The following DMXL1 variants were observed in gnomAD, a reference collection of about 807,000 sequenced individuals.
DMXL1 encodes dmX-like protein 1.
A neutral mutation model predicts 319.2 loss-of-function variants in DMXL1; 99 were observed. The observed-to-expected ratio is 0.31, with a 90% CI of 0.26 to 0.37. DMXL1 has a LOEUF of 0.37. DMXL1 is among the 10% of genes least tolerant of loss of function. The pLI is 1.00. For synonymous variants in DMXL1, 1,385 were observed against 1,235.2 expected (o/e 1.12, Z -2.54); for missense variants, 3,745 against 3,595.6 (o/e 1.04, Z -1.06).
At chr5:119,144,268 G>C (rs545194084) in intron 14 of DMXL1, among the ~76,000 whole-genome samples, 1 of 151,664 alleles carries the variant, frequency 6.6e-6, no homozygotes, top group African/African-American at 2.4e-5. Context: ...AAGAAAACTA[G>C]GTTCCAATTT....
chr5:119,177,958 T>C (rs746548006), intron 27 of DMXL1, 38 bp from the exon 28 acceptor site: 1 of 1,523,348 alleles, frequency 6.6e-7, no homozygotes, highest in Non-Finnish European at 8.8e-7. Context: ...TTTTAAAAAT[T>C]TATAGTCAGT....
Position 119,167,794 on chromosome 5 carries a change from A to G in DMXL1, c.5328A>G (p.Ala1776=), listed in dbSNP as rs1020674452. 5 of 1,613,474 alleles carry G rather than the reference A, an allele frequency of 3.1e-6. No homozygotes were observed. Among genetic ancestry groups the G allele is most frequent in the Non-Finnish European group, 3.4e-6 (4 of 1,179,716 alleles). Residue 1776 remains alanine, a synonymous_variant, in exon 23 of 44, where the codon GCA becomes GCG. Transcript: ENST00000539542. The stretch of plus-strand genomic sequence containing the variant: ...ATGATCCTTTTCTTCGGAGCATGGC[A>G]TATTGGATTTTGGAAGATTATAGTG... ...MHHDPFLRSM[A]YWILEDYSGA...
At chr5:119,203,687 T>A (rs956791882) in intron 33 of DMXL1, among the ~76,000 whole-genome samples, 10 of 152,220 alleles carry the variant, frequency 6.6e-5, no homozygotes. Context: ...TTTTGAATTG[T>A]CATGATCATC....
rs571547374 is a variant in DMXL1 at position 119,177,814 on chromosome 5, C to T, written c.6887-182C>T. Reference sequence around the variant, plus strand: ...TTAATATTAAAGATTTTTAATGTTTCTCTCAAGTAACTCATTTGTGCTTAA... The same window carrying T: ...TTAATATTAAAGATTTTTAATGTTTTTCTCAAGTAACTCATTTGTGCTTAA... On this transcript the variant is annotated intron_variant, in intron 27 of 43. Coordinates refer to ENST00000539542, the MANE Select transcript of DMXL1 (RefSeq NM_001290321.3). Among the ~76,000 whole-genome samples the T allele has an allele frequency of 5.1e-4, 78 of 152,150 alleles. 1 individual carries two copies. The South Asian group carries it at 0.016, about 31-fold the overall frequency.
At chr5:119,163,184 ATAT>A (rs1240495730) in intron 19 of DMXL1, among the ~76,000 whole-genome samples, 2 of 152,198 alleles carry the variant, frequency 1.3e-5, no homozygotes, top group Non-Finnish European at 2.9e-5. Flanking sequence ...TTTTATAACT[ATAT>A]TATTTAATTA....
rs1339676155 is a variant in DMXL1 at position 119,228,671 on chromosome 5, G to A, written c.8338+3902G>A. On this transcript the variant is annotated intron_variant, in intron 38 of 43. Transcript: ENST00000539542. ...GAGAACAAATTTTTTTTGAGATATT[G>A]CAAGGGCCCTTTGGAAACTCGCAAA... 6.6e-5 allele frequency among the ~76,000 whole-genome samples: 10 copies of A among 152,124 alleles called. No individual in the cohort carries two copies. In the South Asian group the frequency reaches 2.1e-3, roughly 32 times the overall value.
intron 25 of DMXL1, 131 bp from the exon 26 acceptor site, chr5:119,175,130 G>T: frequency 1.9e-6 from 1 of 539,088 alleles, no homozygotes; most frequent in Non-Finnish European, 3.2e-6. Context: ...AGAAAAAAAG[G>T]AAATAGTTCA....
chr5:119,090,591 T>C (rs1391456662), intron 1 of DMXL1, among the ~76,000 whole-genome samples: 2 of 150,644 alleles, frequency 1.3e-5, no homozygotes, highest in East Asian at 3.9e-4. Flanking sequence ...AGACAGAGTT[T>C]CACTCTTTTT....
chr5:119,198,545 A>C (rs570133313), intron 32 of DMXL1, among the ~76,000 whole-genome samples: 1 of 152,340 alleles, frequency 6.6e-6, no homozygotes, highest in Non-Finnish European at 1.5e-5. Flanking sequence ...AGGAAAGTTT[A>C]TAGCACTAAA....
chr5:119,098,493 C>T (rs1418308483), intron 2 of DMXL1, among the ~76,000 whole-genome samples: 1 of 150,268 alleles, frequency 6.7e-6, no homozygotes, highest in Non-Finnish European at 1.5e-5. Context: ...CTCCTTGTAA[C>T]TTCTATGTAA....
intron 34 of DMXL1, among the ~76,000 whole-genome samples, chr5:119,208,545 G>A (rs1782159344): frequency 6.6e-6 from 1 of 152,042 alleles, no homozygotes; most frequent in African/African-American, 2.4e-5. Flanking sequence ...AAACATTTTT[G>A]TTTTGATGCT....
At chr5:119,072,332 T>C (rs1388012858) in intron 1 of DMXL1, among the ~76,000 whole-genome samples, 1 of 152,172 alleles carries the variant, frequency 6.6e-6, no homozygotes, top group Non-Finnish European at 1.5e-5. Context: ...CTTGTCAGTA[T>C]AGTGGCATTT....
chr5:119,132,044 T>G lies in DMXL1; in HGVS notation c.1316-1088T>G, dbSNP rs1765021813. On this transcript the variant is annotated intron_variant, in intron 10 of 43. Transcript: ENST00000539542. ...CAGATCTGGGCATATTGTACAATAC[T>G]TAATGGCTCAAGGGGATCAAAGTAC... 2.0e-5 allele frequency among the ~76,000 whole-genome samples: 3 copies of G among 152,242 alleles called. No individual in the cohort carries two copies. In the South Asian group the frequency reaches 6.2e-4, roughly 32 times the overall value.
intron 25 of DMXL1, among the ~76,000 whole-genome samples, chr5:119,174,359 G>C (rs796289380): frequency 3.2e-4 from 49 of 152,264 alleles, no homozygotes; most frequent in African/African-American, 1.0e-3. Context: ...GGTCGAACAA[G>C]TCAAGCCCAG....
chr5:119,116,623 G>A (rs1289545519), intron 7 of DMXL1, among the ~76,000 whole-genome samples: 2 of 152,020 alleles, frequency 1.3e-5, no homozygotes, highest in Non-Finnish European at 2.9e-5. Flanking sequence ...TGTGTTTTGT[G>A]TCTAATTCTG....
intron 19 of DMXL1, among the ~76,000 whole-genome samples, chr5:119,154,922 C>G (rs982922046): frequency 1.3e-5 from 2 of 152,162 alleles, no homozygotes; most frequent in African/African-American, 2.4e-5. Flanking sequence ...TCTGAAAATC[C>G]TAGAGTGTTT....
intron 38 of DMXL1, among the ~76,000 whole-genome samples, chr5:119,230,608 C>T (rs1581453482): frequency 6.6e-6 from 1 of 152,170 alleles, no homozygotes; most frequent in Non-Finnish European, 1.5e-5. Context: ...CTGGGCCGGG[C>T]ACAGTGGCTC....
intron 14 of DMXL1, 57 bp downstream of exon 14, chr5:119,143,987 G>T: frequency 9.0e-7 from 1 of 1,112,460 alleles, no homozygotes. Flanking sequence ...AAAGCATTTT[G>T]CATAAAATCT....
At chr5:119,103,384 AAATTACTT>A (rs1757680597) in intron 3 of DMXL1, among the ~76,000 whole-genome samples, 1 of 152,206 alleles carries the variant, frequency 6.6e-6, no homozygotes, top group Non-Finnish European at 1.5e-5. Flanking sequence ...AGTATTTTAC[AAATTACTT>A]CAAACCTAGT....
Sources: gnomAD v4.1 joint callset for allele counts (sites outside exome capture counted in the v4.1 genomes callset) on GRCh38, gnomAD v4.1.1 for gene constraint, MANE v1.5 for transcripts, NCBI Gene and HGNC (gene_info 2026-07-23, HGNC 2026-07-21) for gene names.